Variants in MBNL2 observed in about 807,000 individuals in gnomAD.
MBNL2 encodes muscleblind like splicing regulator 2.
MBNL2 carries 17 observed loss-of-function variants against 41.9 expected under a neutral mutation model. The ratio of observed to expected loss-of-function variants is 0.41; its 90% confidence interval spans 0.28 to 0.61. The LOEUF (loss-of-function observed/expected upper bound fraction) is 0.61. MBNL2 is among the 20% of genes least tolerant of loss of function. MBNL2 has a pLI of 0.35. For synonymous variants in MBNL2, 195 were observed against 182.9 expected (o/e 1.07, Z -0.53); for missense variants, 336 against 505.6 (o/e 0.66, Z 3.22).
intron 2 of MBNL2, among the ~76,000 whole-genome samples, chr13:97,307,635 T>C (rs1050830723): frequency 1.3e-5 from 2 of 152,226 alleles, no homozygotes; most frequent in African/African-American, 2.4e-5. Flanking sequence ...ATTTGTGATA[T>C]AAACACTGAA....
chr13:97,238,674 C>T (rs140035667), intron 1 of MBNL2, among the ~76,000 whole-genome samples: 43 of 152,098 alleles, frequency 2.8e-4, no homozygotes, highest in Non-Finnish European at 5.3e-4. Context: ...AAAGTGAAAA[C>T]GATTAGGTAG....
chr13:97,285,404 G>C (rs907173111), intron 2 of MBNL2, among the ~76,000 whole-genome samples: 2 of 152,168 alleles, frequency 1.3e-5, no homozygotes, highest in Admixed American at 6.5e-5. Context: ...GGAATTGCTG[G>C]AGACAGCAGA....
intron 7 of MBNL2, 35 bp from the exon 8 acceptor site, chr13:97,365,101 A>C: frequency 6.9e-7 from 1 of 1,440,692 alleles, no homozygotes. Context: ...CTTTCCCTTT[A>C]TTCACTTTTT....
chr13:97,351,938 G>A (rs575037457), intron 5 of MBNL2, among the ~76,000 whole-genome samples: 9 of 152,074 alleles, frequency 5.9e-5, no homozygotes, highest in East Asian at 1.9e-4. Flanking sequence ...CATGAGAATC[G>A]CTTGAACCTT....
At chr13:97,376,364 C>T (rs900213909) in intron 8 of MBNL2, among the ~76,000 whole-genome samples, 4 of 152,152 alleles carry the variant, frequency 2.6e-5, no homozygotes, top group African/African-American at 9.7e-5. Flanking sequence ...GGATGGTTCT[C>T]ATCTATACCC....
At chr13:97,256,798 TC>T (rs2047636122) in intron 1 of MBNL2, among the ~76,000 whole-genome samples, 1 of 152,216 alleles carries the variant, frequency 6.6e-6, no homozygotes, top group African/African-American at 2.4e-5. Context: ...TTCTTTTGAT[TC>T]TTAGCAGTGT....
At chr13:97,381,463 A>C (rs566578466) in intron 8 of MBNL2, among the ~76,000 whole-genome samples, 9 of 152,198 alleles carry the variant, frequency 5.9e-5, no homozygotes, top group African/African-American at 2.2e-4. Flanking sequence ...ATACAAAAGC[A>C]GGGCATTGAG....
intron 2 of MBNL2, among the ~76,000 whole-genome samples, chr13:97,295,676 G>A (rs1264619523): frequency 6.6e-6 from 1 of 152,152 alleles, no homozygotes; most frequent in Non-Finnish European, 1.5e-5. Flanking sequence ...ATAGATGTTT[G>A]ATCCATGCAG....
At chr13:97,223,940 T>C (rs2041197758) in intron 1 of MBNL2, among the ~76,000 whole-genome samples, 1 of 152,222 alleles carries the variant, frequency 6.6e-6, no homozygotes, top group South Asian at 2.1e-4. Flanking sequence ...TTTCTTTATG[T>C]CCTGGCCAGG....
intron 7 of MBNL2, among the ~76,000 whole-genome samples, chr13:97,364,459 G>GTCAT (rs2063689590): frequency 6.6e-6 from 1 of 152,118 alleles, no homozygotes; most frequent in South Asian, 2.1e-4. Flanking sequence ...ACTCATACAG[G>GTCAT]TCATTCCCTG....
At chr13:97,312,819 G>C (rs1047013184) in intron 2 of MBNL2, among the ~76,000 whole-genome samples, 1 of 152,138 alleles carries the variant, frequency 6.6e-6, no homozygotes, top group African/African-American at 2.4e-5. Context: ...TGTTCATTGG[G>C]AACACACTTT....
At chr13:97,230,360 GGC>G in intron 1 of MBNL2, among the ~76,000 whole-genome samples, 1 of 152,290 alleles carries the variant, frequency 6.6e-6, no homozygotes, top group East Asian at 1.9e-4. Flanking sequence ...AAGGAGGGTG[GGC>G]GATGATGAGT....
intron 3 of MBNL2, among the ~76,000 whole-genome samples, chr13:97,342,500 G>T (rs2153081188): frequency 6.6e-6 from 1 of 152,348 alleles, no homozygotes; most frequent in African/African-American, 2.4e-5. Context: ...ATACATGCTA[G>T]TGATGGAATA....
At chr13:97,246,916 C>G (rs896963093) in intron 1 of MBNL2, among the ~76,000 whole-genome samples, 2 of 152,140 alleles carry the variant, frequency 1.3e-5, no homozygotes, top group African/African-American at 4.8e-5. Flanking sequence ...AATCATGAAT[C>G]TGAATCACTT....
At chr13:97,255,789 G>A (rs934624479) in intron 1 of MBNL2, among the ~76,000 whole-genome samples, 5 of 152,184 alleles carry the variant, frequency 3.3e-5, no homozygotes, top group Non-Finnish European at 5.9e-5. Context: ...CCAATTATCC[G>A]TGAAGCATCC....
chr13:97,280,963 G>A (rs1189440581), intron 2 of MBNL2, among the ~76,000 whole-genome samples: 3 of 152,118 alleles, frequency 2.0e-5, no homozygotes, highest in Non-Finnish European at 4.4e-5. Flanking sequence ...CCCCTAACAC[G>A]AGCATTTGAT....
At chr13:97,357,284 G>A (rs2063074116) in intron 6 of MBNL2, among the ~76,000 whole-genome samples, 198 bp from the exon 7 acceptor site, 1 of 152,062 alleles carries the variant, frequency 6.6e-6, no homozygotes, top group South Asian at 2.1e-4. Context: ...ACCGTTTTGG[G>A]TTACAGAAAT....
the MBNL2 span, among the ~76,000 whole-genome samples, chr13:97,151,961 T>A: frequency 2.6e-5 from 4 of 152,154 alleles, no homozygotes; most frequent in South Asian, 4.1e-4. Context: ...CAGCACTTTA[T>A]CAGCCCACTC....
intron 2 of MBNL2, among the ~76,000 whole-genome samples, chr13:97,324,633 G>T (rs1001356328): frequency 6.6e-6 from 1 of 152,086 alleles, no homozygotes; most frequent in African/African-American, 2.4e-5. Context: ...CGACTCACAC[G>T]ATCACAAGGT....
Sources: gnomAD v4.1 joint callset for allele counts (sites outside exome capture counted in the v4.1 genomes callset) on GRCh38, gnomAD v4.1.1 for gene constraint, MANE v1.5 for transcripts, NCBI Gene and HGNC (gene_info 2026-07-23, HGNC 2026-07-21) for gene names.